The following GRIK4 variants were observed in gnomAD, a reference collection of about 807,000 sequenced individuals.
GRIK4 encodes the protein glutamate ionotropic receptor kainate type subunit 4.
A neutral mutation model predicts 104.9 loss-of-function variants in GRIK4; 40 were observed. That is an observed-to-expected ratio of 0.38 (90% CI 0.30 to 0.50). The LOEUF is 0.50. GRIK4 is among the 20% of genes least tolerant of loss of function. GRIK4 has a pLI of 0.93. For synonymous variants in GRIK4, 485 were observed against 524.9 expected, an observed-to-expected ratio of 0.92 and a Z score of 1.04; for missense variants, 1,047 against 1,308.1, an observed-to-expected ratio of 0.80 and a Z score of 3.08.
chr11:120,529,395 T>C (rs1043439545), intron 1 of GRIK4, among the ~76,000 whole-genome samples: 45 of 152,364 alleles, frequency 3.0e-4, no homozygotes, highest in African/African-American at 9.6e-4. Flanking sequence ...ATTAGAGGGA[T>C]TGCCCTTGGC....
In GRIK4 at chr11:120,831,945, C is replaced by G. The variant is rs771449360; in HGVS notation, c.605C>G (p.Pro202Arg). 6.2e-7 allele frequency: 1 copy of G among 1,613,806 alleles called. No individual in the cohort carries two copies. The highest frequency in any genetic ancestry group is 1.3e-5 in the African/African-American group (1 of 74,874). ...RMLDDTRDPT[P>R]LLKEIRDDKT... ...CTGGATGACACCCGGGACCCCACCC[C>G]GCTCCTCAAGGAGATCCGGGACGAC... The change falls in exon 7 of 21, where the codon CCG becomes CGG. Residue 202 changes from proline to arginine, a missense_variant. Around this residue, in one of 3 missense-constraint regions of GRIK4, gnomAD observed 447 missense variants for 514.9 expected, o/e 0.87. Transcript: ENST00000527524.
At chr11:120,777,227 C>A (rs1019633662) in intron 3 of GRIK4, among the ~76,000 whole-genome samples, 1 of 152,242 alleles carries the variant, frequency 6.6e-6, no homozygotes, top group Non-Finnish European at 1.5e-5. Context: ...ACCTCTAACA[C>A]ATTTTCTGCT....
At chr11:120,850,161 T>C (rs947298060) in intron 8 of GRIK4, among the ~76,000 whole-genome samples, 1 of 152,212 alleles carries the variant, frequency 6.6e-6, no homozygotes, top group African/African-American at 2.4e-5. Flanking sequence ...CTTCCTCTTC[T>C]GCAAACAGCC....
chr11:120,570,211 G>C (rs1470998894), intron 1 of GRIK4, among the ~76,000 whole-genome samples: 2 of 152,142 alleles, frequency 1.3e-5, no homozygotes, highest in African/African-American at 4.8e-5. Context: ...TCAGGGGTTG[G>C]GGATTTTAAA....
chr11:120,693,400 G>A (rs937169877), intron 3 of GRIK4, among the ~76,000 whole-genome samples: 1 of 152,220 alleles, frequency 6.6e-6, no homozygotes, highest in African/African-American at 2.4e-5. Flanking sequence ...CACCGTGCCA[G>A]GCTGGCAATT....
At chr11:120,862,166 C>T in intron 9 of GRIK4, 46 bp downstream of exon 9, 1 of 1,557,282 alleles carries the variant, frequency 6.4e-7, no homozygotes, top group Non-Finnish European at 8.8e-7. Flanking sequence ...GGCCTCTGCA[C>T]ATTGCCCCTC....
intron 5 of GRIK4, among the ~76,000 whole-genome samples, chr11:120,815,766 G>A (rs1952941148): frequency 6.6e-6 from 1 of 152,178 alleles, no homozygotes; most frequent in Non-Finnish European, 1.5e-5. Context: ...GGTGGGTAGA[G>A]GGAGAGGCTG....
At position 120,956,664 on chromosome 11, in the gene GRIK4, G is replaced by T; in HGVS notation, c.1701-116G>T. 1.7e-6 allele frequency: 1 copy of T among 582,378 alleles called. No homozygotes were observed. The highest frequency in any genetic ancestry group is 2.8e-6 in the Non-Finnish European group (1 of 359,168). The allele number at this position is 582,378 out of a possible 1,614,324, so 36.1% of individuals were successfully genotyped here. A position where few individuals can be genotyped will look rare whatever the true frequency, so the allele number is the denominator to read the frequency against. On this transcript the variant is annotated intron_variant, in intron 15 of 20. Coordinates refer to ENST00000527524, the MANE Select transcript of GRIK4 (RefSeq NM_014619.5). This position sits in a 1 kb window ranked among gnomAD's most constrained non-coding sequence, Gnocchi z 4.6. Reference sequence around the variant, plus strand: ...GAAACTCCAAGTCCAGCAAAGGGAAGTGGCTTGCCCAAGGCCACAGGCCGG... The same window carrying T: ...GAAACTCCAAGTCCAGCAAAGGGAATTGGCTTGCCCAAGGCCACAGGCCGG...
intron 1 of GRIK4, among the ~76,000 whole-genome samples, chr11:120,543,906 A>G (rs1948061272): frequency 6.6e-6 from 1 of 152,396 alleles, no homozygotes; most frequent in East Asian, 1.9e-4. Flanking sequence ...ATATTGTATG[A>G]TCTCACTTAC....
At chr11:120,517,555 T>C (rs1197545794) in intron 1 of GRIK4, among the ~76,000 whole-genome samples, 1 of 133,582 alleles carries the variant, frequency 7.5e-6, no homozygotes, top group Non-Finnish European at 1.6e-5. Flanking sequence ...GTGAGGGTGA[T>C]AGCTGTGCTA....
intron 8 of GRIK4, among the ~76,000 whole-genome samples, chr11:120,839,764 ATC>A (rs1464051231): frequency 6.6e-6 from 1 of 152,234 alleles, no homozygotes; most frequent in Non-Finnish European, 1.5e-5. Flanking sequence ...CCTCACTCCC[ATC>A]CAGGCATAAA....
At chr11:120,557,033 G>T (rs1301742552) in intron 1 of GRIK4, among the ~76,000 whole-genome samples, 2 of 152,084 alleles carry the variant, frequency 1.3e-5, no homozygotes, top group Non-Finnish European at 2.9e-5. Flanking sequence ...CCCACAGAAG[G>T]CACCGACCTC....
intron 3 of GRIK4, among the ~76,000 whole-genome samples, chr11:120,677,536 C>G (rs1281616908): frequency 6.6e-6 from 1 of 152,094 alleles, no homozygotes; most frequent in Non-Finnish European, 1.5e-5. Flanking sequence ...CTGACAATGC[C>G]CTGTTTAGGG....
intron 1 of GRIK4, among the ~76,000 whole-genome samples, chr11:120,597,570 A>G (rs1322367862): frequency 2.6e-5 from 4 of 152,230 alleles, no homozygotes; most frequent in African/African-American, 7.2e-5. Context: ...TTTAAAGAAC[A>G]AAAAGCAAAT....
At chr11:120,622,549 T>C (rs1949202901) in intron 1 of GRIK4, among the ~76,000 whole-genome samples, 1 of 152,272 alleles carries the variant, frequency 6.6e-6, no homozygotes, top group Non-Finnish European at 1.5e-5. Flanking sequence ...TTGTACTGCA[T>C]GCCCTGATAG....
chr11:120,598,722 C>G (rs1948839865), intron 1 of GRIK4, among the ~76,000 whole-genome samples: 1 of 152,214 alleles, frequency 6.6e-6, no homozygotes, highest in South Asian at 2.1e-4. Context: ...CAGGCCTGAC[C>G]TCTTCCTCAC....
At chr11:120,928,284 A>G (rs1267792557) in intron 13 of GRIK4, among the ~76,000 whole-genome samples, 1 of 151,582 alleles carries the variant, frequency 6.6e-6, no homozygotes, top group Admixed American at 6.6e-5. Context: ...TTTCCCAAAG[A>G]CCCCTCTGGC....
chr11:120,812,766 G>A (rs528211171), intron 4 of GRIK4, among the ~76,000 whole-genome samples: 178 of 152,346 alleles, frequency 1.2e-3, no homozygotes, highest in Middle Eastern at 3.4e-3. Flanking sequence ...ACGTCCAGCA[G>A]GTGGTTGGAA....
rs138311004 is a variant in GRIK4, at chr11:120,527,441, G to A, written c.-159+15554G>A. The stretch of plus-strand genomic sequence containing the variant: ...GGGCAGACCCCTGCCGGTGAGAGAG[G>A]GAGCATGGCAATGCTTATCCCAGCA... On this transcript the variant is annotated intron_variant, in intron 1 of 20. Transcript: ENST00000527524. Among the ~76,000 whole-genome samples the A allele has an allele frequency of 6.5e-3, 985 of 152,286 alleles. 5 individuals are homozygous for A. Among genetic ancestry groups the A allele is most frequent in the African/African-American group, 0.023 (946 of 41,566 alleles).
Sources: gnomAD v4.1 joint callset for allele counts (sites outside exome capture counted in the v4.1 genomes callset) on GRCh38, gnomAD v4.1.1 for gene constraint, gnomAD v4.1.1 regional missense constraint, Gnocchi (gnomAD v3.1) non-coding constraint, MANE v1.5 for transcripts, NCBI Gene and HGNC (gene_info 2026-07-23, HGNC 2026-07-21) for gene names.